Variants in XYLT1 observed in about 807,000 individuals in gnomAD.
XYLT1 encodes the protein xylosyltransferase 1.
Under a neutral mutation model 91.3 loss-of-function variants are expected in XYLT1, and 36 were observed. The ratio of observed to expected loss-of-function variants is 0.39; its 90% CI spans 0.30 to 0.52. The LOEUF (loss-of-function observed/expected upper bound fraction) is 0.52, where lower values mean the gene tolerates loss of function less well. Ranked by LOEUF, XYLT1 falls within the 20% of genes least tolerant of loss-of-function variation. The pLI is 0.68. For synonymous variants in XYLT1, 588 were observed against 532.0 expected, an observed-to-expected ratio of 1.11 and a Z score of -1.45; for missense variants, 1,242 against 1,284.5, an observed-to-expected ratio of 0.97 and a Z score of 0.51.
At chr16:17,272,327 T>TA (rs2033909625) in intron 2 of XYLT1, among the ~76,000 whole-genome samples, 1 of 151,970 alleles carries the variant, frequency 6.6e-6, no homozygotes, top group Non-Finnish European at 1.5e-5. Context: ...CATGCCCGGC[T>TA]AATTTTTTGT....
chr16:17,137,829 A>G (rs958659421), intron 8 of XYLT1, among the ~76,000 whole-genome samples: 3 of 152,214 alleles, frequency 2.0e-5, no homozygotes, highest in African/African-American at 7.2e-5. Flanking sequence ...AAATTCGTCG[A>G]TATCACTGAT....
chr16:17,170,945 A>G (rs1387881429), intron 5 of XYLT1, among the ~76,000 whole-genome samples: 1 of 152,122 alleles, frequency 6.6e-6, no homozygotes, highest in Non-Finnish European at 1.5e-5. Context: ...TCGATGCTCA[A>G]TTTTGTCATT....
intron 11 of XYLT1, among the ~76,000 whole-genome samples, chr16:17,112,989 G>A (rs1344421311): frequency 6.6e-5 from 10 of 151,738 alleles, no homozygotes; most frequent in African/African-American, 2.2e-4. Context: ...ACAGGCACAC[G>A]TCACCACACC....
intron 5 of XYLT1, among the ~76,000 whole-genome samples, chr16:17,166,925 A>G (rs1265513932): frequency 2.6e-5 from 4 of 152,202 alleles, no homozygotes; most frequent in South Asian, 2.1e-4. Context: ...AAGGAATCCC[A>G]GAGTCAGGGT....
rs71137974 is a variant in XYLT1, at chr16:17,140,658, C to CAAAAAAA, written c.1587+488_1587+494dup. On this transcript the variant is annotated intron_variant, in intron 7 of 11. Transcript: ENST00000261381. ...CCTGGATGACAGAGGAAGACTGTCT[C>CAAAAAAA]AAAAAAAAAAAAAAAAAAAAAAAAA... 1.8e-4 allele frequency among the ~76,000 whole-genome samples: 12 copies of CAAAAAAA among 68,026 alleles called. 1 individual carries two copies. The highest frequency in any genetic ancestry group is 7.0e-4 in the African/African-American group (12 of 17,106). The allele number at this position is 68,026 out of a possible 152,430, so 44.6% of individuals were successfully genotyped here.
intron 3 of XYLT1, among the ~76,000 whole-genome samples, chr16:17,226,308 G>A (rs1029554758): frequency 6.6e-6 from 1 of 152,128 alleles, no homozygotes; most frequent in Non-Finnish European, 1.5e-5. Flanking sequence ...GACATTCAAG[G>A]CCACCGTTAC....
At position 17,108,704 on chromosome 16, in the gene XYLT1, C is replaced by A; in HGVS notation, c.2871G>T (p.Arg957=). ...CTCCTCGTGCCCAGTGCTACCTGAG[C>A]CGGCCATCAGGTTTGACTGCCCCCA... is the stretch of plus-strand genomic sequence containing the variant. ...SELGAVKPDG[R]LR The change falls in exon 12 of 12, where the codon CGG becomes CGT. Residue 957 remains arginine, a synonymous_variant. Transcript: ENST00000261381. 1 of 1,574,492 alleles carries A rather than the reference C, an allele frequency of 6.4e-7. No individual in the cohort carries two copies. The highest frequency in any genetic ancestry group is 1.1e-5 in the South Asian group (1 of 87,780).
rs529872151 is a variant in XYLT1, at chr16:17,197,893, A to G, written c.1289+319T>C. The G allele has an allele frequency of 1.8e-5, 6 of 325,662 alleles. 1 individual carries two copies. The Admixed American group carries it at 2.2e-4, about 12-fold the overall frequency. The allele number at this position is 325,662 out of a possible 1,614,324, so 20.2% of individuals were successfully genotyped here. ...AATACTCCTTAATAAACTCCTCTTT[A>G]TATATACACCTATCCTGTTAGTTCT... On this transcript the variant is annotated intron_variant, in intron 5 of 11. Coordinates refer to ENST00000261381, the MANE Select transcript of XYLT1 (RefSeq NM_022166.4).
At chr16:17,133,545 T>C (rs1412280123) in intron 9 of XYLT1, among the ~76,000 whole-genome samples, 1 of 152,096 alleles carries the variant, frequency 6.6e-6, no homozygotes, top group Non-Finnish European at 1.5e-5. Flanking sequence ...TTAAAAGGAA[T>C]CATTATCATT....
chr16:17,300,848 A>T (rs1434734962), intron 2 of XYLT1, among the ~76,000 whole-genome samples: 2 of 152,098 alleles, frequency 1.3e-5, no homozygotes, highest in African/African-American at 2.4e-5. Flanking sequence ...CAAAAGCAAG[A>T]CACAAAATAA....
intron 5 of XYLT1, among the ~76,000 whole-genome samples, chr16:17,163,454 G>C (rs1490050909): frequency 4.6e-5 from 7 of 152,202 alleles, no homozygotes; most frequent in African/African-American, 1.7e-4. Flanking sequence ...AGCCTGCTCA[G>C]CTTCCACTAG....
chr16:17,159,322 G>C lies in XYLT1; in HGVS notation c.1290-413C>G, dbSNP rs114233959. 5.4e-3 allele frequency among the ~76,000 whole-genome samples: 823 copies of C among 152,184 alleles called. 7 individuals are homozygous for C. Among genetic ancestry groups the C allele is most frequent in the African/African-American group, 0.018 (766 of 41,502 alleles). On this transcript the variant is annotated intron_variant, in intron 5 of 11. Coordinates refer to ENST00000261381, the MANE Select transcript of XYLT1 (RefSeq NM_022166.4). ...TATTGCTGGCTTGGCTTTGTCATCAGGTGTCCTTTCAAATACCACCTCTTT... is the reference window on the plus strand; with the variant it reads ...TATTGCTGGCTTGGCTTTGTCATCACGTGTCCTTTCAAATACCACCTCTTT...
intron 1 of XYLT1, among the ~76,000 whole-genome samples, chr16:17,421,466 G>A (rs1173205769): frequency 6.6e-6 from 1 of 152,178 alleles, no homozygotes; most frequent in Admixed American, 6.5e-5. Context: ...GAGTGATGCT[G>A]TGCCAGTTTT....
chr16:17,412,693 C>T (rs1375036165), intron 1 of XYLT1, among the ~76,000 whole-genome samples: 1 of 152,148 alleles, frequency 6.6e-6, no homozygotes, highest in Non-Finnish European at 1.5e-5. Context: ...TACTAGGTCT[C>T]CCAGTGGATC....
At chr16:17,445,613 C>G (rs909949755) in intron 1 of XYLT1, among the ~76,000 whole-genome samples, 2 of 152,200 alleles carry the variant, frequency 1.3e-5, no homozygotes, top group Non-Finnish European at 2.9e-5. Flanking sequence ...GAAGTTCCAC[C>G]CAGTGCCGCC....
chr16:17,259,431 G>A lies in XYLT1; in HGVS notation c.470C>T (p.Pro157Leu), dbSNP rs755226267. Residue 157 changes from proline to leucine, a missense_variant, in exon 3 of 12, where the codon CCC becomes CTC. This residue lies in a region of XYLT1 where 437 missense variants were observed against 411.5 expected (regional missense o/e 1.06). Coordinates refer to ENST00000261381, the MANE Select transcript of XYLT1 (RefSeq NM_022166.4). Reference protein sequence around the residue: ...RTDSNNENSVPKDFENVDNSN... With the variant: ...RTDSNNENSVLKDFENVDNSN... ...GTTGTCGACATTCTCAAAGTCTTTGGGGACAGAGTTCTCGTTGTTGCTGTC... is the reference window on the plus strand; with the variant it reads ...GTTGTCGACATTCTCAAAGTCTTTGAGGACAGAGTTCTCGTTGTTGCTGTC... 1 of 1,613,940 alleles carries A rather than the reference G, an allele frequency of 6.2e-7. No individual in the cohort carries two copies. The highest frequency in any genetic ancestry group is 8.5e-7 in the Non-Finnish European group (1 of 1,180,020).
At chr16:17,147,048 C>T (rs1268006612) in intron 6 of XYLT1, among the ~76,000 whole-genome samples, 2 of 152,182 alleles carry the variant, frequency 1.3e-5, no homozygotes, top group East Asian at 1.9e-4. Flanking sequence ...GAAGTTAAAT[C>T]CCTATAGGGG....
At chr16:17,165,533 A>C (rs1053169741) in intron 5 of XYLT1, among the ~76,000 whole-genome samples, 1 of 151,074 alleles carries the variant, frequency 6.6e-6, no homozygotes, top group African/African-American at 2.4e-5. Flanking sequence ...AAAAATACAA[A>C]AAAAAAAAAA....
intron 1 of XYLT1, among the ~76,000 whole-genome samples, chr16:17,461,311 G>A (rs1372420105): frequency 6.6e-6 from 1 of 152,210 alleles, no homozygotes; most frequent in African/African-American, 2.4e-5. Context: ...TGTTCAAGAG[G>A]TCACCATGGG....
Sources: allele counts gnomAD v4.1 joint callset (sites outside exome capture counted in the v4.1 genomes callset), GRCh38; gene constraint gnomAD v4.1.1; regional missense constraint gnomAD v4.1.1; transcripts MANE v1.5; gene names NCBI Gene and HGNC (gene_info 2026-07-23, HGNC 2026-07-21).